UGT2A3: variants seen among roughly 807,000 people sequenced by gnomAD.
UGT2A3 encodes UDP glucuronosyltransferase family 2 member A3.
Under a neutral mutation model 44.1 loss-of-function variants are expected in UGT2A3, and 55 were observed. The ratio of observed to expected loss-of-function variants is 1.25; its 90% confidence interval spans 1.00 to 1.56. The LOEUF is 1.56. UGT2A3 is among the 40% of genes most tolerant of loss of function. The pLI, the probability that UGT2A3 is intolerant of heterozygous loss-of-function variation, is 0.00. For synonymous variants in UGT2A3, 243 were observed against 215.1 expected, an observed-to-expected ratio of 1.13 and a Z score of -1.13; for missense variants, 733 against 621.6, an observed-to-expected ratio of 1.18 and a Z score of -1.91.
Position 68,931,255 on chromosome 4 carries a change from C to T in UGT2A3, c.997-13G>A, listed in dbSNP as rs751814201. The T allele has an allele frequency of 1.9e-6, 3 of 1,603,126 alleles. No homozygotes were observed. Among genetic ancestry groups the T allele is most frequent in the Non-Finnish European group, 2.6e-6 (3 of 1,171,280 alleles). Reference sequence around the variant, plus strand: ...ACCTCCATAACACCTACGGAAGAAACACATGTATTTCACAGAGTGAACCAC... The same window carrying T: ...ACCTCCATAACACCTACGGAAGAAATACATGTATTTCACAGAGTGAACCAC... On this transcript the variant is annotated splice_polypyrimidine_tract_variant and intron_variant, in intron 3 of 5. Transcript: ENST00000251566.
intron 4 of UGT2A3, 77 bp from the exon 5 acceptor site, chr4:68,930,842 G>A: frequency 8.1e-7 from 1 of 1,229,488 alleles, no homozygotes; most frequent in Non-Finnish European, 1.1e-6. Flanking sequence ...CTACAGATGG[G>A]AATTACGAGA....
chr4:68,942,520 T>G (rs13435095), intron 2 of UGT2A3, among the ~76,000 whole-genome samples: 1 of 6,280 alleles, frequency 1.6e-4, no homozygotes, highest in African/African-American at 3.4e-4. Flanking sequence ...TATATATATA[T>G]ATATATATAT....
chr4:68,948,947 TGAA>T (rs759374298), intron 1 of UGT2A3, among the ~76,000 whole-genome samples: 4 of 151,796 alleles, frequency 2.6e-5, no homozygotes, highest in African/African-American at 4.8e-5. Flanking sequence ...CTCCACTCAT[TGAA>T]GAAGATGTTG....
intron 2 of UGT2A3, among the ~76,000 whole-genome samples, chr4:68,934,887 T>A (rs1717874150): frequency 6.6e-6 from 1 of 150,936 alleles, no homozygotes; most frequent in African/African-American, 2.4e-5. Flanking sequence ...TAAGGATTCT[T>A]AAAAAAAAGG....
At chr4:68,933,001 A>T (rs1368248326) in intron 2 of UGT2A3, among the ~76,000 whole-genome samples, 1 of 152,010 alleles carries the variant, frequency 6.6e-6, no homozygotes, top group Non-Finnish European at 1.5e-5. Context: ...GTATGCAAAA[A>T]GTTTCAGTAA....
chr4:68,948,671 G>C (rs1331537960), intron 1 of UGT2A3, among the ~76,000 whole-genome samples: 1 of 151,480 alleles, frequency 6.6e-6, no homozygotes, highest in African/African-American at 2.4e-5. Flanking sequence ...CACTGATAAT[G>C]GTTATTTGTT....
At chr4:68,935,308 A>G (rs1327366706) in intron 2 of UGT2A3, among the ~76,000 whole-genome samples, 4 of 118,940 alleles carry the variant, frequency 3.4e-5, no homozygotes, top group South Asian at 2.5e-4. Context: ...ATATATATAT[A>G]TATATATATG....
At chr4:68,932,440 G>T (rs534774038) in intron 3 of UGT2A3, among the ~76,000 whole-genome samples, 188 bp downstream of exon 3, 1 of 151,936 alleles carries the variant, frequency 6.6e-6, no homozygotes, top group South Asian at 2.1e-4. Context: ...TGACAATCAA[G>T]AAAGTTGTTT....
chr4:68,951,013 A>G (rs770427576), intron 1 of UGT2A3, 33 bp downstream of exon 1: 1 of 1,398,410 alleles, frequency 7.2e-7, no homozygotes, highest in Non-Finnish European at 9.6e-7. Flanking sequence ...TTCTTTTGAT[A>G]ACTAAATTAA....
intron 2 of UGT2A3, among the ~76,000 whole-genome samples, chr4:68,940,789 T>C (rs892555152): frequency 7.1e-6 from 1 of 140,294 alleles, no homozygotes; most frequent in Non-Finnish European, 1.5e-5. Flanking sequence ...ATAATATATA[T>C]ATACACACAC....
At position 68,942,504 on chromosome 4, in the gene UGT2A3, G is replaced by GAT. The variant is rs34118122; in HGVS notation, c.864+2800_864+2801dup. ...TATAGCTCAATAGCATTCCACTGGA[G>GAT]ATATATATATATATATATATATATA... On this transcript the variant is annotated intron_variant, in intron 2 of 5. Coordinates refer to ENST00000251566, the MANE Select transcript of UGT2A3 (RefSeq NM_024743.4). 6.2e-3 allele frequency among the ~76,000 whole-genome samples: 805 copies of GAT among 130,776 alleles called. 5 individuals carry two copies. Among genetic ancestry groups the GAT allele is most frequent in the African/African-American group, 0.017 (566 of 33,284 alleles). 85.8% of individuals were successfully genotyped at this position (130,776 alleles called of 152,430 possible). A position where few individuals can be genotyped will look rare whatever the true frequency, so the allele number is the denominator to read the frequency against.
chr4:68,934,881 G>T (rs959259132), intron 2 of UGT2A3, among the ~76,000 whole-genome samples: 5 of 151,354 alleles, frequency 3.3e-5, no homozygotes, highest in Non-Finnish European at 7.4e-5. Context: ...AAATCTTAAG[G>T]ATTCTTAAAA....
intron 5 of UGT2A3, 126 bp from the exon 6 acceptor site, chr4:68,930,218 T>A (rs371703539): frequency 9.9e-6 from 11 of 1,116,714 alleles, no homozygotes; most frequent in South Asian, 1.6e-5. Flanking sequence ...TGATTCTGGT[T>A]GTGACATGAA....
intron 2 of UGT2A3, among the ~76,000 whole-genome samples, chr4:68,935,276 G>GTATGTATA (rs1717895427): frequency 1.7e-5 from 1 of 60,136 alleles, no homozygotes; most frequent in African/African-American, 5.2e-5. Flanking sequence ...ATGTATGTAT[G>GTATGTATA]TATATATATA....
Position 68,929,782 on chromosome 4 carries a change from C to A in UGT2A3, c.*31G>T. ...ATGTGGCTGGAATTAACAGGATTAC[C>A]CCATCAGGTCTTTCTTGAATTTGGA... On this transcript the variant is annotated 3_prime_UTR_variant, in exon 6 of 6. Transcript: ENST00000251566. 6.6e-7 allele frequency: 1 copy of A among 1,517,314 alleles called. No homozygotes were observed. Among genetic ancestry groups the A allele is most frequent in the Admixed American group, 2.0e-5 (1 of 50,774 alleles). The allele number at this position is 1,517,314 out of a possible 1,614,324, so 94.0% of individuals were successfully genotyped here.
chr4:68,940,045 A>T (rs1718126283), intron 2 of UGT2A3, among the ~76,000 whole-genome samples: 1 of 152,114 alleles, frequency 6.6e-6, no homozygotes, highest in Non-Finnish European at 1.5e-5. Flanking sequence ...AAGTCAGGAA[A>T]CAACAGATAC....
At chr4:68,937,333 A>C (rs980239906) in intron 2 of UGT2A3, among the ~76,000 whole-genome samples, 4 of 152,116 alleles carry the variant, frequency 2.6e-5, no homozygotes, top group Non-Finnish European at 4.4e-5. Flanking sequence ...CTCCTTAGCA[A>C]ATGTAAAAGA....
chr4:68,943,808 T>C (rs1470366852), intron 2 of UGT2A3, among the ~76,000 whole-genome samples: 2 of 151,766 alleles, frequency 1.3e-5, no homozygotes, highest in African/African-American at 4.8e-5. Context: ...CTTGAATCAC[T>C]GATCAGATTC....
chr4:68,931,201 T>A lies in UGT2A3; in HGVS notation c.1038A>T (p.Gly346=). 1 of 1,613,082 alleles carries A rather than the reference T, an allele frequency of 6.2e-7. No individual in the cohort carries two copies. The highest frequency in any genetic ancestry group is 8.5e-7 in the Non-Finnish European group (1 of 1,179,410). ...RYKGKKPSTL[G]ANTRLYDWIP... ...TCCAATCATACAGCCGAGTATTGGC[T>A]CCTAATGTGGATGGTTTTTTTCCTT... Residue 346 remains glycine (G), a synonymous_variant, in exon 4 of 6, where the codon GGA becomes GGT. Transcript: ENST00000251566.
Sources: allele counts gnomAD v4.1 joint callset (sites outside exome capture counted in the v4.1 genomes callset), GRCh38; gene constraint gnomAD v4.1.1; transcripts MANE v1.5; gene names NCBI Gene and HGNC (gene_info 2026-07-23, HGNC 2026-07-21).